The following CACNG5 variants were observed in gnomAD, a reference collection of about 807,000 sequenced individuals.
CACNG5 encodes calcium voltage-gated channel auxiliary subunit gamma 5.
In CACNG5, 18 loss-of-function variants were observed where a neutral mutation model predicts 24.8. That is an observed-to-expected ratio of 0.73 (90% CI 0.50 to 1.08). The LOEUF (loss-of-function observed/expected upper bound fraction) is 1.08, where lower values mean the gene tolerates loss of function less well. Among genes scored for constraint, CACNG5 ranks in the 50% least tolerant of loss-of-function variants. The pLI, the probability that CACNG5 is intolerant of heterozygous loss-of-function variation, is 0.00. For missense variants in CACNG5, 349 were observed against 367.9 expected, an observed-to-expected ratio of 0.95 and a Z score of 0.42; for synonymous variants, 157 against 149.1, an observed-to-expected ratio of 1.05 and a Z score of -0.39.
At chr17:66,852,889 C>CTCTTTCTCTCTTCTCTCTCT (rs1270581470) in intron 1 of CACNG5, among the ~76,000 whole-genome samples, 5 of 134,960 alleles carry the variant, frequency 3.7e-5, no homozygotes, top group Non-Finnish European at 7.9e-5. Context: ...CTCTCTTTTT[C>CTCTTTCTCTCTTCTCTCTCT]TCTTTCTCTC....
At chr17:66,862,398 CACTT>C (rs1175164601) in intron 1 of CACNG5, among the ~76,000 whole-genome samples, 1 of 127,636 alleles carries the variant, frequency 7.8e-6, no homozygotes, top group Non-Finnish European at 1.8e-5. Flanking sequence ...CAGCTTGTGT[CACTT>C]ACAAGCTGCC....
Position 66,891,860 on chromosome 17 carries a change from G to T in CACNG5, c.*6620G>T, listed in dbSNP as rs1182810601. 6.6e-6 allele frequency among the ~76,000 whole-genome samples: 1 copy of T among 152,214 alleles called. No homozygotes were observed. Among genetic ancestry groups the T allele is most frequent in the Non-Finnish European group, 1.5e-5 (1 of 68,038 alleles). The stretch of plus-strand genomic sequence containing the variant: ...ATTCTCCCAGCCTGGAGATTCTGAA[G>T]TTACTCTGGGGTGGGACCTGAGGGT... On this transcript the variant is annotated 3_prime_UTR_variant, in exon 6 of 6. Coordinates refer to ENST00000533854, the MANE Select transcript of CACNG5 (RefSeq NM_145811.3).
rs1977277152 is a variant in CACNG5, at chr17:66,887,349, C to T, written c.*2109C>T. On this transcript the variant is annotated 3_prime_UTR_variant, in exon 6 of 6. Coordinates refer to ENST00000533854, the MANE Select transcript of CACNG5 (RefSeq NM_145811.3). ...ATGACTCAGCCTCCTGTGGGAGGCT[C>T]TCTGTTGCTTTTGTATGTGACTTTT... Among the ~76,000 whole-genome samples the T allele has an allele frequency of 7.2e-6, 1 of 139,200 alleles. No individual in the cohort carries two copies. The highest frequency in any genetic ancestry group is 7.2e-5 in the Admixed American group (1 of 13,820). The allele number at this position is 139,200 out of a possible 152,430, so 91.3% of individuals were successfully genotyped here. A position where few individuals can be genotyped will look rare whatever the true frequency, so the allele number is the denominator to read the frequency against.
In CACNG5 at chr17:66,879,103, G is replaced by C. The variant is rs962028728; in HGVS notation, c.283+45G>C. ...CAACCTGGGCCACTGGCTGGACAGAGAGGAGCAAGGCAGAGGGAAGAGTCA... is the reference window on the plus strand; with the variant it reads ...CAACCTGGGCCACTGGCTGGACAGACAGGAGCAAGGCAGAGGGAAGAGTCA... On this transcript the variant is annotated intron_variant, in intron 3 of 5. Coordinates refer to ENST00000533854, the MANE Select transcript of CACNG5 (RefSeq NM_145811.3). 4.2e-6 allele frequency: 6 copies of C among 1,419,308 alleles called. No individual in the cohort carries two copies. In the African/African-American group the frequency reaches 5.6e-5, roughly 13 times the overall value. 87.9% of individuals were successfully genotyped at this position (1,419,308 alleles called of 1,614,324 possible).
intron 4 of CACNG5, among the ~76,000 whole-genome samples, chr17:66,884,084 A>G (rs562624050): frequency 1.3e-5 from 2 of 151,718 alleles, no homozygotes; most frequent in South Asian, 4.2e-4. Flanking sequence ...GTGAGCCGAG[A>G]TCGCGCCATT....
Position 66,891,022 on chromosome 17 carries a change from TG to T in CACNG5, c.*5784del, listed in dbSNP as rs1160938247. On this transcript the variant is annotated 3_prime_UTR_variant, in exon 6 of 6. Coordinates refer to ENST00000533854, the MANE Select transcript of CACNG5 (RefSeq NM_145811.3). ...CTGGCAGTAGCAGTGGGGAGACAGT[TG>T]GAGGAAGGCAGAATTCTGCTGCCTT... 6.6e-6 allele frequency among the ~76,000 whole-genome samples: 1 copy of T among 152,146 alleles called. No homozygotes were observed. The highest frequency in any genetic ancestry group is 1.5e-5 in the Non-Finnish European group (1 of 68,028).
At chr17:66,862,892 CTGTGTGTGTGTGTGTGTGTGTG>C (rs56308917) in intron 1 of CACNG5, among the ~76,000 whole-genome samples, 9 of 142,172 alleles carry the variant, frequency 6.3e-5, no homozygotes, top group Admixed American at 2.8e-4. Context: ...AGCATATTCT[CTGTGTGTGTGTGTGTGTGTGTG>C]TGTGTGTGTG....
intron 1 of CACNG5, among the ~76,000 whole-genome samples, chr17:66,870,066 A>G (rs1394867147): frequency 6.6e-6 from 1 of 152,080 alleles, no homozygotes; most frequent in Admixed American, 6.6e-5. Flanking sequence ...CTGGGCAAAA[A>G]GAGTGAAACT....
chr17:66,884,467 T>G (rs1423335099), intron 4 of CACNG5, 49 bp from the exon 5 acceptor site: 1 of 1,547,166 alleles, frequency 6.5e-7, no homozygotes, highest in African/African-American at 1.4e-5. Context: ...CTCAGCAAAC[T>G]TCCTGGGCCT....
At chr17:66,858,112 G>T (rs1476039205) in intron 1 of CACNG5, among the ~76,000 whole-genome samples, 1 of 152,080 alleles carries the variant, frequency 6.6e-6, no homozygotes, top group East Asian at 1.9e-4. Flanking sequence ...AGCAGCTTCT[G>T]GGAGGTTCTG....
rs545437659 is a variant in CACNG5, at chr17:66,844,136, G to A, written c.-104+8886G>A. Among the ~76,000 whole-genome samples, 6 of 152,290 alleles carry A rather than the reference G, an allele frequency of 3.9e-5. No homozygotes were observed. The South Asian group carries it at 8.3e-4, about 21-fold the overall frequency. ...AGAGTAATGCTAGGAGCTAATACTC[G>A]TTGGGTGCTTATCACTGTCAAAGTC... is the stretch of plus-strand genomic sequence containing the variant. On this transcript the variant is annotated intron_variant, in intron 1 of 5. Coordinates refer to ENST00000533854, the MANE Select transcript of CACNG5 (RefSeq NM_145811.3).
intron 1 of CACNG5, among the ~76,000 whole-genome samples, chr17:66,869,762 T>C (rs1021974601): frequency 2.0e-5 from 3 of 152,162 alleles, no homozygotes; most frequent in Admixed American, 1.3e-4. Context: ...TTTGGTAACT[T>C]CTGTTGTGTA....
Position 66,878,786 on chromosome 17 carries a change from C to T in CACNG5, c.197-186C>T, listed in dbSNP as rs556565293. On this transcript the variant is annotated intron_variant, in intron 2 of 5. Transcript: ENST00000533854. ...CTCCAGGAAGGTTGTCATGTCAGGA[C>T]GTGCCTCCACCCCTGCTGTGGGCTA... is the stretch of plus-strand genomic sequence containing the variant. Among the ~76,000 whole-genome samples the T allele has an allele frequency of 7.2e-5, 11 of 152,284 alleles. No individual in the cohort carries two copies. In the South Asian group the frequency reaches 1.2e-3, roughly 17 times the overall value.
In CACNG5 at chr17:66,880,565, C is replaced by T. The variant is rs201075450; in HGVS notation, c.292C>T (p.Arg98Cys). The change falls in exon 4 of 6, where the codon CGC (arginine) becomes TGC (cysteine). Residue 98 changes from arginine (R) to cysteine (C), a missense_variant. Transcript: ENST00000533854. ...ESTVNVLKMI[R>C]SATPFPLVSL... The stretch of plus-strand genomic sequence containing the variant: ...TTTGTCCCGTTAATTAGAGATGATC[C>T]GCTCAGCCACACCATTCCCTCTGGT... The T allele has an allele frequency of 3.2e-5, 51 of 1,614,202 alleles. No individual in the cohort carries two copies. The highest frequency in any genetic ancestry group is 8.3e-5 in the Admixed American group (5 of 60,030).
chr17:66,839,960 A>ACT (rs1008773360), intron 1 of CACNG5, among the ~76,000 whole-genome samples: 1 of 152,174 alleles, frequency 6.6e-6, no homozygotes, highest in Non-Finnish European at 1.5e-5. Context: ...TGGGCAGCCC[A>ACT]CTCTCTACTG....
rs772229838 is a variant in CACNG5, at chr17:66,885,220, A to T, written c.808A>T (p.Met270Leu). 1 of 1,595,778 alleles carries T rather than the reference A, an allele frequency of 6.3e-7. No homozygotes were observed. Among genetic ancestry groups the T allele is most frequent in the South Asian group, 1.1e-5 (1 of 89,618 alleles). The change falls in exon 6 of 6, where the codon ATG becomes TTG. Residue 270 changes from methionine to leucine, a missense_variant. Coordinates refer to ENST00000533854, the MANE Select transcript of CACNG5 (RefSeq NM_145811.3). Reference sequence around the variant, plus strand: ...GCTCAAGTGCCCCGACTATGATCAGATGTCCTCTTCACCCTGCTGAGCCTC... The same window carrying T: ...GCTCAAGTGCCCCGACTATGATCAGTTGTCCTCTTCACCCTGCTGAGCCTC... ...ALLKCPDYDQ[M>L]SSSPC is the part of the protein sequence containing the mutation.
At position 66,894,553 on chromosome 17, in the gene CACNG5, T is replaced by A. The variant is rs980522803; in HGVS notation, c.*9313T>A. ...GTTAGTTACCCTCTCCAGTTCATGATGTGCAGCCATTATTGGTTCACATAA... is the reference window on the plus strand; with the variant it reads ...GTTAGTTACCCTCTCCAGTTCATGAAGTGCAGCCATTATTGGTTCACATAA... On this transcript the variant is annotated 3_prime_UTR_variant, in exon 6 of 6. Coordinates refer to ENST00000533854, the MANE Select transcript of CACNG5 (RefSeq NM_145811.3). Among the ~76,000 whole-genome samples the A allele has an allele frequency of 6.6e-6, 1 of 152,228 alleles. No individual in the cohort carries two copies. Among genetic ancestry groups the A allele is most frequent in the Non-Finnish European group, 1.5e-5 (1 of 68,050 alleles).
At chr17:66,869,634 G>C (rs1372115663) in intron 1 of CACNG5, among the ~76,000 whole-genome samples, 1 of 152,064 alleles carries the variant, frequency 6.6e-6, no homozygotes, top group Non-Finnish European at 1.5e-5. Context: ...AAACTCCAGG[G>C]ACTAAACTAT....
chr17:66,871,243 C>T (rs1049581389), intron 1 of CACNG5, among the ~76,000 whole-genome samples: 14 of 152,188 alleles, frequency 9.2e-5, no homozygotes, highest in African/African-American at 2.9e-4. Context: ...GACACTGAGT[C>T]ACTGGACAAG....
Sources: allele counts gnomAD v4.1 joint callset (sites outside exome capture counted in the v4.1 genomes callset), GRCh38; gene constraint gnomAD v4.1.1; transcripts MANE v1.5; gene names NCBI Gene and HGNC (gene_info 2026-07-23, HGNC 2026-07-21).